MGAT5: variants seen among roughly 807,000 people sequenced by gnomAD.
MGAT5 encodes alpha-1,6-mannosylglycoprotein 6-beta-N-acetylglucosaminyltransferase.
A neutral mutation model predicts 94.3 loss-of-function variants in MGAT5; 30 were observed. The ratio of observed to expected loss-of-function variants is 0.32; its 90% CI spans 0.24 to 0.43. The LOEUF is 0.43. Among genes scored for constraint, MGAT5 ranks in the 20% least tolerant of loss-of-function variants. The pLI is 1.00. For synonymous variants in MGAT5, 310 were observed against 322.9 expected, an observed-to-expected ratio of 0.96 and a Z score of 0.43; for missense variants, 691 against 905.5, an observed-to-expected ratio of 0.76 and a Z score of 3.04.
chr2:134,341,347 G>C (rs185327177), intron 6 of MGAT5, among the ~76,000 whole-genome samples: 70 of 152,246 alleles, frequency 4.6e-4, no homozygotes, highest in African/African-American at 1.6e-3. Flanking sequence ...TTAAAAGGTG[G>C]AATTATCTGT....
At chr2:134,125,650 C>T (rs559989872) in intron 1 of MGAT5, among the ~76,000 whole-genome samples, 4 of 152,304 alleles carry the variant, frequency 2.6e-5, no homozygotes, top group Non-Finnish European at 5.9e-5. Context: ...TTGTTTATAG[C>T]AATGATACAG....
At chr2:134,140,360 A>G (rs948339495) in intron 1 of MGAT5, among the ~76,000 whole-genome samples, 4 of 152,226 alleles carry the variant, frequency 2.6e-5, no homozygotes, top group Non-Finnish European at 5.9e-5. Flanking sequence ...GGGCGCCACA[A>G]GTCTGCTTAG....
At chr2:134,261,203 G>GT (rs1683311240) in intron 1 of MGAT5, among the ~76,000 whole-genome samples, 1 of 152,176 alleles carries the variant, frequency 6.6e-6, no homozygotes, top group Non-Finnish European at 1.5e-5. Flanking sequence ...ACGCACATGT[G>GT]TGAGGTTGGA....
chr2:134,232,945 G>A (rs576222596), intron 1 of MGAT5, among the ~76,000 whole-genome samples: 6 of 152,182 alleles, frequency 3.9e-5, no homozygotes, highest in Non-Finnish European at 5.9e-5. Context: ...ATACATTTGA[G>A]TAATGTAATT....
At chr2:134,237,123 A>ATGTGTATATGTG (rs367744090) in intron 1 of MGAT5, among the ~76,000 whole-genome samples, 2 of 140,626 alleles carry the variant, frequency 1.4e-5, no homozygotes, top group Admixed American at 6.9e-5. Context: ...GAAGGAGTAT[A>ATGTGTATATGTG]TGTGTGTGTG....
intron 2 of MGAT5, among the ~76,000 whole-genome samples, chr2:134,275,148 T>G (rs1336036944): frequency 6.6e-6 from 1 of 152,208 alleles, no homozygotes; most frequent in Admixed American, 6.5e-5. Context: ...GCTCAGCAGA[T>G]GACTTTCCCA....
At chr2:134,425,650 T>C (rs2106369911) in intron 13 of MGAT5, among the ~76,000 whole-genome samples, 1 of 152,276 alleles carries the variant, frequency 6.6e-6, no homozygotes, top group South Asian at 2.1e-4. Context: ...CCAAGCCACA[T>C]CTGTCAGGTC....
chr2:134,150,312 T>C (rs1415329894), intron 1 of MGAT5, among the ~76,000 whole-genome samples: 4 of 152,220 alleles, frequency 2.6e-5, no homozygotes, highest in Non-Finnish European at 5.9e-5. Flanking sequence ...ATCATGATGC[T>C]ATATTTTCCT....
chr2:134,224,065 G>A (rs1159082591), intron 1 of MGAT5, among the ~76,000 whole-genome samples: 1 of 151,690 alleles, frequency 6.6e-6, no homozygotes, highest in Non-Finnish European at 1.5e-5. Flanking sequence ...TTTAAAACAA[G>A]ATGTTTGTTT....
At chr2:134,166,301 A>G (rs1391763440) in intron 1 of MGAT5, among the ~76,000 whole-genome samples, 1 of 152,252 alleles carries the variant, frequency 6.6e-6, no homozygotes, top group Non-Finnish European at 1.5e-5. Context: ...TCTGGTCAAC[A>G]GTAAGGGCAC....
intron 4 of MGAT5, among the ~76,000 whole-genome samples, chr2:134,331,390 ATT>A (rs1293872237): frequency 6.6e-6 from 1 of 152,060 alleles, no homozygotes; most frequent in East Asian, 1.9e-4. Flanking sequence ...AGCTAAAAAG[ATT>A]AGTTCATGTC....
intron 7 of MGAT5, 25 bp from the exon 8 acceptor site, chr2:134,344,904 TC>T (rs771521355): frequency 6.2e-7 from 1 of 1,604,900 alleles, no homozygotes; most frequent in South Asian, 1.1e-5. Flanking sequence ...CTCTTTTTTC[TC>T]CCCTCTCTTT....
At chr2:134,415,524 C>T (rs933826604) in intron 12 of MGAT5, among the ~76,000 whole-genome samples, 2 of 152,128 alleles carry the variant, frequency 1.3e-5, no homozygotes, top group Non-Finnish European at 2.9e-5. Flanking sequence ...GAATTAACCG[C>T]TTATTAAATA....
intron 1 of MGAT5, among the ~76,000 whole-genome samples, chr2:134,225,077 CAAAAAAAAAAA>C (rs1167660901): frequency 1.2e-4 from 8 of 68,218 alleles, no homozygotes; most frequent in African/African-American, 4.1e-4. Flanking sequence ...CCCTGTCTCA[CAAAAAAAAAAA>C]AAAAAAAAAA....
chr2:134,126,885 CTTT>C (rs112394718), intron 1 of MGAT5, among the ~76,000 whole-genome samples: 1 of 144,486 alleles, frequency 6.9e-6, no homozygotes. Flanking sequence ...CTTGCAGCTG[CTTT>C]TTTTTTTTTT....
At chr2:134,336,164 T>C in intron 4 of MGAT5, 53 bp from the exon 5 acceptor site, 1 of 1,441,382 alleles carries the variant, frequency 6.9e-7, no homozygotes, top group South Asian at 1.2e-5. Context: ...TTTTTATGTA[T>C]ATTAATTCAT....
At chr2:134,246,503 G>A (rs1001028241) in intron 1 of MGAT5, among the ~76,000 whole-genome samples, 1 of 152,196 alleles carries the variant, frequency 6.6e-6, no homozygotes, top group Non-Finnish European at 1.5e-5. Context: ...TTTAGATGAA[G>A]ACTGCCCCCC....
chr2:134,358,597 C>A (rs1280396987), intron 9 of MGAT5, among the ~76,000 whole-genome samples: 1 of 151,952 alleles, frequency 6.6e-6, no homozygotes, highest in Non-Finnish European at 1.5e-5. Context: ...CAGGCTGGCG[C>A]TGGGGTTTCT....
chr2:134,162,063 G>A (rs546493244), intron 1 of MGAT5, among the ~76,000 whole-genome samples: 13 of 152,014 alleles, frequency 8.6e-5, no homozygotes, highest in African/African-American at 3.1e-4. Context: ...GGTGGTGCAC[G>A]CCTGTAACTC....
Sources: gnomAD v4.1 joint callset for allele counts (sites outside exome capture counted in the v4.1 genomes callset) on GRCh38, gnomAD v4.1.1 for gene constraint, MANE v1.5 for transcripts, NCBI Gene and HGNC (gene_info 2026-07-23, HGNC 2026-07-21) for gene names.